TMC1: variants seen among roughly 807,000 people sequenced by gnomAD.
TMC1 encodes transmembrane channel-like protein 1.
TMC1 carries 84 observed loss-of-function variants against 105.8 expected under a neutral mutation model. The observed-to-expected ratio is 0.79, with a 90% CI of 0.67 to 0.95. TMC1 has a LOEUF of 0.95. Among genes scored for constraint, TMC1 ranks in the 40% least tolerant of loss-of-function variants. TMC1 has a pLI of 0.00. For synonymous variants in TMC1, 315 were observed against 311.5 expected, an observed-to-expected ratio of 1.01 and a Z score of -0.12; for missense variants, 817 against 914.1, an observed-to-expected ratio of 0.89 and a Z score of 1.37.
At chr9:72,807,629 C>T (rs1828627067) in intron 18 of TMC1, among the ~76,000 whole-genome samples, 1 of 152,102 alleles carries the variant, frequency 6.6e-6, no homozygotes. Context: ...TCTATTTATG[C>T]CTTTGAATTC....
At chr9:72,831,572 T>C (rs1174567920) in intron 23 of TMC1, among the ~76,000 whole-genome samples, 7 of 151,490 alleles carry the variant, frequency 4.6e-5, no homozygotes, top group Non-Finnish European at 8.9e-5. Flanking sequence ...TATGTCCTAA[T>C]GCTAGCCCTC....
intron 10 of TMC1, among the ~76,000 whole-genome samples, chr9:72,749,397 T>C (rs550433308): frequency 1.3e-5 from 2 of 152,260 alleles, no homozygotes; most frequent in African/African-American, 2.4e-5. Context: ...AGTAACAAAC[T>C]GTAAGTCCAC....
intron 10 of TMC1, among the ~76,000 whole-genome samples, chr9:72,751,633 A>G (rs1381641641): frequency 1.3e-5 from 2 of 152,246 alleles, no homozygotes; most frequent in Non-Finnish European, 2.9e-5. Context: ...ACTGCATTCT[A>G]CGTACCTTCT....
chr9:72,715,744 T>G (rs1826906146), intron 8 of TMC1, among the ~76,000 whole-genome samples: 1 of 152,126 alleles, frequency 6.6e-6, no homozygotes, highest in South Asian at 2.1e-4. Context: ...TTACCCACCT[T>G]CTAAAGCCTA....
chr9:72,531,634 G>C (rs2132057764), intron 1 of TMC1, among the ~76,000 whole-genome samples: 1 of 152,284 alleles, frequency 6.6e-6, no homozygotes, highest in South Asian at 2.1e-4. Context: ...ACACTGCCCT[G>C]TAGTTCATAA....
chr9:72,551,262 C>T (rs1037911091), intron 1 of TMC1, among the ~76,000 whole-genome samples: 11 of 152,226 alleles, frequency 7.2e-5, no homozygotes, highest in African/African-American at 2.2e-4. Flanking sequence ...TAAACCACTA[C>T]ATTTTTGGTA....
chr9:72,525,209 T>C (rs937000166), intron 1 of TMC1, among the ~76,000 whole-genome samples: 8 of 152,202 alleles, frequency 5.3e-5, no homozygotes, highest in African/African-American at 1.7e-4. Flanking sequence ...ACATTTTGCA[T>C]AGGATTTTGT....
At chr9:72,570,091 G>A (rs915375030) in intron 1 of TMC1, among the ~76,000 whole-genome samples, 3 of 152,096 alleles carry the variant, frequency 2.0e-5, no homozygotes, top group African/African-American at 7.2e-5. Flanking sequence ...TTAGATCTTT[G>A]TGAATGTTCA....
intron 2 of TMC1, among the ~76,000 whole-genome samples, chr9:72,587,244 T>C (rs4345627): frequency 0.45 from 68,014 of 151,476 alleles, 17,297 homozygotes; most frequent in African/African-American, 0.7. Flanking sequence ...CTGCAACCTC[T>C]GCCTCCTGGG....
chr9:72,784,134 C>G (rs1299690318), intron 13 of TMC1, among the ~76,000 whole-genome samples: 1 of 151,926 alleles, frequency 6.6e-6, no homozygotes, highest in African/African-American at 2.4e-5. Context: ...AACAGACAAC[C>G]AACAGAATGA....
intron 4 of TMC1, among the ~76,000 whole-genome samples, chr9:72,636,705 C>T (rs12335708): frequency 1.1e-4 from 4 of 37,428 alleles, no homozygotes; most frequent in African/African-American, 6.0e-4. Context: ...AAGACTCCAT[C>T]TCAAAAAAAA....
At chr9:72,596,539 T>TAA (rs35140344) in intron 2 of TMC1, among the ~76,000 whole-genome samples, 1,080 of 102,162 alleles carry the variant, frequency 0.011, 12 homozygotes, top group African/African-American at 0.035. Context: ...GTTTCAATTG[T>TAA]AAAAAAAAAA....
chr9:72,688,557 CT>C, intron 5 of TMC1, 151 bp from the exon 6 acceptor site: 1 of 681,982 alleles, frequency 1.5e-6, no homozygotes, highest in Non-Finnish European at 2.6e-6. Context: ...AGCTGTATAT[CT>C]TTAATAAATC....
intron 1 of TMC1, among the ~76,000 whole-genome samples, chr9:72,568,442 C>T (rs1824207490): frequency 6.6e-6 from 1 of 152,176 alleles, no homozygotes; most frequent in African/African-American, 2.4e-5. Context: ...AAGATTGCTT[C>T]AGGCTCTTCT....
chr9:72,819,423 C>T (rs574505590), intron 19 of TMC1, among the ~76,000 whole-genome samples: 1 of 152,298 alleles, frequency 6.6e-6, no homozygotes, highest in South Asian at 2.1e-4. Context: ...CACTTGCTTA[C>T]TTGCTCACTT....
chr9:72,791,167 T>G (rs1319001636), intron 15 of TMC1, among the ~76,000 whole-genome samples: 1 of 152,054 alleles, frequency 6.6e-6, no homozygotes, highest in African/African-American at 2.4e-5. Flanking sequence ...GTTTCCTACT[T>G]TTCATGTTTC....
chr9:72,742,304 C>G, intron 9 of TMC1, 140 bp from the exon 10 acceptor site: 1 of 723,370 alleles, frequency 1.4e-6, no homozygotes, highest in Non-Finnish European at 2.5e-6. Context: ...CCTACTGTTT[C>G]CCCCTTTGAC....
intron 19 of TMC1, among the ~76,000 whole-genome samples, chr9:72,816,440 T>A (rs1828789721): frequency 1.3e-5 from 2 of 152,120 alleles, no homozygotes; most frequent in African/African-American, 4.8e-5. Context: ...ATAATGGGAG[T>A]CTGTGTTCTG....
At chr9:72,798,585 T>C (rs1828413565) in intron 17 of TMC1, among the ~76,000 whole-genome samples, 1 of 152,046 alleles carries the variant, frequency 6.6e-6, no homozygotes, top group African/African-American at 2.4e-5. Context: ...CAAACTCATG[T>C]AGGAACACCA....
Sources: gnomAD v4.1 joint callset for allele counts (sites outside exome capture counted in the v4.1 genomes callset) on GRCh38, gnomAD v4.1.1 for gene constraint, MANE v1.5 for transcripts, NCBI Gene and HGNC (gene_info 2026-07-23, HGNC 2026-07-21) for gene names.